NRG3: variants seen among roughly 807,000 people sequenced by gnomAD.
The protein encoded by NRG3 is neuregulin 3.
A neutral mutation model predicts 66.9 loss-of-function variants in NRG3; 31 were observed. The ratio of observed to expected loss-of-function variants is 0.46; its 90% CI spans 0.35 to 0.63. The LOEUF is 0.63. Ranked by LOEUF, NRG3 falls within the 20% of genes least tolerant of loss-of-function variation. NRG3 has a pLI of 0.00. For missense variants in NRG3, 910 were observed against 878.9 expected, an observed-to-expected ratio of 1.04 and a Z score of -0.45; for synonymous variants, 393 against 359.4, an observed-to-expected ratio of 1.09 and a Z score of -1.06.
intron 1 of NRG3, among the ~76,000 whole-genome samples, chr10:81,982,541 A>G (rs2060368026): frequency 6.6e-6 from 1 of 152,200 alleles, no homozygotes; most frequent in East Asian, 1.9e-4. Context: ...ACCACAGACA[A>G]CAAAAATGTA....
intron 1 of NRG3, among the ~76,000 whole-genome samples, chr10:82,040,065 C>T (rs1347403195): frequency 6.6e-6 from 1 of 152,084 alleles, no homozygotes; most frequent in Non-Finnish European, 1.5e-5. Context: ...ATCCTCAGAA[C>T]ACTTGTTCTT....
At chr10:82,467,954 A>G (rs1297053004) in intron 2 of NRG3, among the ~76,000 whole-genome samples, 1 of 152,056 alleles carries the variant, frequency 6.6e-6, no homozygotes, top group Non-Finnish European at 1.5e-5. Flanking sequence ...TATATTTTGC[A>G]TAACTGTTAT....
chr10:81,962,710 GTGT>G (rs1359093861), intron 1 of NRG3, among the ~76,000 whole-genome samples: 1 of 152,208 alleles, frequency 6.6e-6, no homozygotes, highest in Non-Finnish European at 1.5e-5. Flanking sequence ...TCTGATCAGT[GTGT>G]TCTTGGCTAG....
chr10:82,204,300 T>A (rs377044000), intron 1 of NRG3, among the ~76,000 whole-genome samples: 104 of 152,300 alleles, frequency 6.8e-4, no homozygotes, highest in Non-Finnish European at 1.2e-3. Flanking sequence ...CTTATACTTA[T>A]CACAGTCTAA....
At chr10:82,958,730 C>T (rs1210657986) in intron 5 of NRG3, among the ~76,000 whole-genome samples, 1 of 152,122 alleles carries the variant, frequency 6.6e-6, no homozygotes, top group Non-Finnish European at 1.5e-5. Context: ...TGGGGTGCCA[C>T]TGAATGTGAA....
chr10:81,877,655 G>GC, intron 1 of NRG3: 1 of 1,241,086 alleles, frequency 8.1e-7, no homozygotes, highest in Non-Finnish European at 1.0e-6. Context: ...ACTTTGCTTT[G>GC]GAAAAAACCG....
intron 1 of NRG3, among the ~76,000 whole-genome samples, chr10:82,160,499 T>C (rs1384160254): frequency 3.3e-5 from 5 of 151,682 alleles, no homozygotes; most frequent in Non-Finnish European, 7.4e-5. Context: ...ATTTCTTTTT[T>C]TTTGTTTTGT....
chr10:82,247,940 ATAATAG>A, intron 1 of NRG3, among the ~76,000 whole-genome samples: 1 of 152,304 alleles, frequency 6.6e-6, no homozygotes, highest in Admixed American at 6.5e-5. Flanking sequence ...AACAATAATA[ATAATAG>A]TAATAGTAGT....
intron 2 of NRG3, among the ~76,000 whole-genome samples, chr10:82,380,687 A>G (rs1199422445): frequency 6.6e-6 from 1 of 152,138 alleles, no homozygotes; most frequent in African/African-American, 2.4e-5. Context: ...CGGGAAAAAC[A>G]TATTTTTGAG....
chr10:82,451,251 C>G (rs1308665358), intron 2 of NRG3, among the ~76,000 whole-genome samples: 2 of 152,046 alleles, frequency 1.3e-5, no homozygotes, highest in East Asian at 1.9e-4. Context: ...ATTAGCATAT[C>G]TAGTTGGAGC....
intron 3 of NRG3, among the ~76,000 whole-genome samples, chr10:82,775,142 C>T (rs917310179): frequency 2.6e-5 from 4 of 151,192 alleles, no homozygotes; most frequent in Non-Finnish European, 4.4e-5. Flanking sequence ...TTCATTTCTT[C>T]TGATAAATTT....
chr10:82,101,640 T>C (rs1487830636), intron 1 of NRG3, among the ~76,000 whole-genome samples: 1 of 151,840 alleles, frequency 6.6e-6, no homozygotes, highest in Non-Finnish European at 1.5e-5. Context: ...GAATCACCAA[T>C]GATTTTTATG....
At chr10:82,545,856 A>G (rs1174048329) in intron 2 of NRG3, among the ~76,000 whole-genome samples, 8 of 126,786 alleles carry the variant, frequency 6.3e-5, no homozygotes, top group Non-Finnish European at 1.3e-4. Context: ...GGCACAATCT[A>G]GGCTCACTGC....
rs370119772 is a variant in NRG3, at chr10:82,761,095, TA to T, written c.1027+22453del. Among the ~76,000 whole-genome samples, 982 of 151,710 alleles carry T rather than the reference TA, an allele frequency of 6.5e-3. 6 individuals are homozygous for T. The highest frequency in any genetic ancestry group is 0.017 in the South Asian group (83 of 4,810). Reference sequence around the variant, plus strand: ...ATCTACAGATGACTTGAGCTAATTATAAAAAAAACTCTAAAACTTTGAGAAG... The same window carrying T: ...ATCTACAGATGACTTGAGCTAATTATAAAAAAACTCTAAAACTTTGAGAAG... On this transcript the variant is annotated intron_variant, in intron 3 of 8. Coordinates refer to ENST00000372141, the MANE Select transcript of NRG3 (RefSeq NM_001010848.4).
intron 2 of NRG3, among the ~76,000 whole-genome samples, chr10:82,387,247 T>A (rs2135923681): frequency 2.0e-5 from 3 of 150,014 alleles, no homozygotes; most frequent in Admixed American, 2.0e-4. Context: ...TTGTTTTAAC[T>A]CCTCTTATGT....
intron 1 of NRG3, among the ~76,000 whole-genome samples, chr10:82,135,235 ATTTC>A (rs1426366720): frequency 7.4e-5 from 11 of 148,130 alleles, no homozygotes. Flanking sequence ...ATTGTATGTT[ATTTC>A]TTTCTTTCTC....
chr10:81,912,431 A>G (rs943359441), intron 1 of NRG3, among the ~76,000 whole-genome samples: 6 of 152,182 alleles, frequency 3.9e-5, no homozygotes, highest in Non-Finnish European at 8.8e-5. Context: ...TATGTTTCCC[A>G]GGCTGGTCTC....
chr10:82,377,941 A>G (rs1420393893), intron 2 of NRG3, among the ~76,000 whole-genome samples: 3 of 152,216 alleles, frequency 2.0e-5, no homozygotes, highest in Non-Finnish European at 1.5e-5. Context: ...AGTGTAACCG[A>G]TAGAATTTGA....
rs1278911151 is a variant in NRG3 at position 82,784,429 on chromosome 10, A to G, written c.1027+45779A>G. 2.2e-4 allele frequency among the ~76,000 whole-genome samples: 33 copies of G among 151,978 alleles called. No individual in the cohort carries two copies. The South Asian group carries it at 6.2e-3, about 29-fold the overall frequency. The stretch of plus-strand genomic sequence containing the variant: ...CATCAGAGTGAACAGGCAACCTACA[A>G]AATGGGAGAAAATTTTTGCAACCTA... On this transcript the variant is annotated intron_variant, in intron 3 of 8. Transcript: ENST00000372141.
Sources: gnomAD v4.1 joint callset for allele counts (sites outside exome capture counted in the v4.1 genomes callset) on GRCh38, gnomAD v4.1.1 for gene constraint, MANE v1.5 for transcripts, NCBI Gene and HGNC (gene_info 2026-07-23, HGNC 2026-07-21) for gene names.